The following USP24 variants were observed in gnomAD, a reference collection of about 807,000 sequenced individuals.
USP24 encodes the protein ubiquitin carboxyl-terminal hydrolase 24.
A neutral mutation model predicts 361.6 loss-of-function variants in USP24; 97 were observed. The ratio of observed to expected loss-of-function variants is 0.27; its 90% CI spans 0.23 to 0.32. The LOEUF (loss-of-function observed/expected upper bound fraction) is 0.32. USP24 is among the 10% of genes least tolerant of loss of function. The pLI, the probability that USP24 is intolerant of heterozygous loss-of-function variation, is 1.00. For synonymous variants in USP24, 1,098 were observed against 1,124.6 expected (o/e 0.98, Z 0.47); for missense variants, 2,353 against 3,165.6 (o/e 0.74, Z 6.16).
At chr1:55,115,047 A>T (rs1316372065) in intron 38 of USP24, among the ~76,000 whole-genome samples, 1 of 152,176 alleles carries the variant, frequency 6.6e-6, no homozygotes, top group Non-Finnish European at 1.5e-5. Context: ...ACAAACTTAC[A>T]AGAAAAAAAC....
chr1:55,092,944 T>C (rs778976785), intron 52 of USP24, 28 bp from the exon 53 acceptor site: 1 of 1,415,520 alleles, frequency 7.1e-7, no homozygotes, highest in Admixed American at 2.6e-5. Flanking sequence ...TAATTATTTT[T>C]ATGAAATGGA....
At chr1:55,154,827 A>G (rs761588298) in intron 12 of USP24, 49 bp from the exon 13 acceptor site, 3 of 1,453,902 alleles carry the variant, frequency 2.1e-6, no homozygotes, top group Non-Finnish European at 2.9e-6. Flanking sequence ...ACTCGGAACA[A>G]CCTAAGTCTT....
chr1:55,184,088 G>C (rs1357884577), intron 1 of USP24, among the ~76,000 whole-genome samples: 2 of 152,030 alleles, frequency 1.3e-5, no homozygotes, highest in Non-Finnish European at 2.9e-5. Flanking sequence ...ACAGGGTCTG[G>C]CTCTGTCACC....
At chr1:55,099,622 G>A (rs1645582135) in intron 45 of USP24, 149 bp downstream of exon 45, 4 of 652,100 alleles carry the variant, frequency 6.1e-6, no homozygotes, top group Middle Eastern at 2.8e-4. Flanking sequence ...ATGTTTTGAT[G>A]TTTAAACACA....
At chr1:55,101,934 T>C (rs1384696267) in intron 42 of USP24, among the ~76,000 whole-genome samples, 1 of 152,174 alleles carries the variant, frequency 6.6e-6, no homozygotes, top group Non-Finnish European at 1.5e-5. Context: ...ACCTGGCAGA[T>C]AGGTGTGTAT....
At chr1:55,137,783 C>G in intron 27 of USP24, 23 bp downstream of exon 27, 1 of 1,555,368 alleles carries the variant, frequency 6.4e-7, no homozygotes, top group South Asian at 1.2e-5. Context: ...TATTATTCAT[C>G]AAAACTGCTT....
rs780824881 is a variant in USP24, at chr1:55,072,371, A to G, written c.7635T>C (p.Asn2545=). Residue 2545 remains asparagine, a synonymous_variant, in exon 66 of 68, where the codon AAT becomes AAC. Coordinates refer to ENST00000294383, the MANE Select transcript of USP24 (RefSeq NM_015306.3). ...MSEHYWTPQS[N]VSNETSTGKT... ...TTCCAGTTGATGTTTCATTAGAGACATTACTCTGTGGTGTCCAGTAATGTT... is the reference window on the plus strand; with the variant it reads ...TTCCAGTTGATGTTTCATTAGAGACGTTACTCTGTGGTGTCCAGTAATGTT... The G allele has an allele frequency of 3.1e-6, 5 of 1,613,648 alleles. No individual in the cohort carries two copies. In the South Asian group the frequency reaches 5.5e-5, roughly 18 times the overall value.
intron 1 of USP24, among the ~76,000 whole-genome samples, chr1:55,208,987 A>G (rs1644783057): frequency 6.6e-6 from 1 of 152,146 alleles, no homozygotes; most frequent in Admixed American, 6.5e-5. Context: ...TACTATCAAT[A>G]TGAGCTTAAC....
chr1:55,185,464 TA>T (rs769816434), intron 1 of USP24, among the ~76,000 whole-genome samples: 1 of 151,090 alleles, frequency 6.6e-6, no homozygotes, highest in Non-Finnish European at 1.5e-5. Flanking sequence ...TGAAAAAATT[TA>T]AAAAAAAGGG....
chr1:55,138,698 T>C lies in USP24; in HGVS notation c.2838A>G (p.Arg946=). 1 of 1,612,740 alleles carries C rather than the reference T, an allele frequency of 6.2e-7. No homozygotes were observed. The highest frequency in any genetic ancestry group is 8.5e-7 in the Non-Finnish European group (1 of 1,179,298). The change falls in exon 26 of 68, where the codon CGA becomes CGG. Residue 946 remains arginine (R), a synonymous_variant. Coordinates refer to ENST00000294383, the MANE Select transcript of USP24 (RefSeq NM_015306.3). The stretch of plus-strand genomic sequence containing the variant: ...ATGAGGCACCATGAGGTAGAATAGT[T>C]CGTGGAACAGAGTAAAAATCCTTAA... ...ITIEDFYSVP[R]TILPHGASFH...
chr1:55,150,553 A>C (rs146067600), intron 16 of USP24, among the ~76,000 whole-genome samples: 139 of 152,314 alleles, frequency 9.1e-4, no homozygotes, highest in African/African-American at 3.3e-3. Context: ...GGATTACAAA[A>C]TTGGGACATA....
chr1:55,128,562 G>A (rs571855501), intron 32 of USP24, among the ~76,000 whole-genome samples: 3 of 151,944 alleles, frequency 2.0e-5, no homozygotes, highest in South Asian at 4.2e-4. Context: ...AGGATTTCTA[G>A]GTAAATAATT....
At chr1:55,155,102 T>C (rs991934021) in intron 12 of USP24, among the ~76,000 whole-genome samples, 2 of 152,192 alleles carry the variant, frequency 1.3e-5, no homozygotes, top group South Asian at 4.1e-4. Context: ...CTGAAAGATT[T>C]AAACAGATTG....
chr1:55,206,285 A>T (rs750487374), intron 1 of USP24, among the ~76,000 whole-genome samples: 16 of 152,216 alleles, frequency 1.1e-4, no homozygotes, highest in Admixed American at 3.3e-4. Flanking sequence ...AAATTTTTTA[A>T]CTGAAATGTT....
chr1:55,189,623 T>C (rs1644233457), intron 1 of USP24, among the ~76,000 whole-genome samples: 1 of 152,176 alleles, frequency 6.6e-6, no homozygotes, highest in South Asian at 2.1e-4. Context: ...GAAAATATTC[T>C]CAAAATAAAT....
rs1172713544 is a variant in USP24, at chr1:55,157,021, C to T, written c.1373G>A (p.Arg458His). The T allele has an allele frequency of 1.2e-6, 2 of 1,612,994 alleles. No homozygotes were observed. The highest frequency in any genetic ancestry group is 1.7e-6 in the Non-Finnish European group (2 of 1,179,350). Residue 458 changes from arginine to histidine, a missense_variant, in exon 12 of 68, where the codon CGT (arginine) becomes CAT (histidine). Arg to His is a conservative substitution (Grantham distance 29). Around this residue, in one of 8 missense-constraint regions of USP24, gnomAD observed 386 missense variants for 560.5 expected, o/e 0.69. Coordinates refer to ENST00000294383, the MANE Select transcript of USP24 (RefSeq NM_015306.3). ...GNIDQAQYCD[R>H]IKGIIELLGS... ...CAAGAGTTCAATAATTCCCTTTATA[C>T]GGTCACAGTATTGTGCTTGGTCTAT... is the stretch of plus-strand genomic sequence containing the variant.
At chr1:55,092,469 A>AAC (rs1013070502) in intron 53 of USP24, among the ~76,000 whole-genome samples, 19 of 152,212 alleles carry the variant, frequency 1.2e-4, no homozygotes, top group African/African-American at 4.3e-4. Flanking sequence ...GTTGAAAGTT[A>AAC]ATCTTTAGTC....
chr1:55,156,925 A>G (rs1323368198), intron 12 of USP24, 23 bp downstream of exon 12: 2 of 1,582,716 alleles, frequency 1.3e-6, no homozygotes, highest in Non-Finnish European at 8.7e-7. Context: ...AGCCAAAGGC[A>G]AAAATAATTC....
At chr1:55,121,721 T>C (rs641995) in intron 36 of USP24, among the ~76,000 whole-genome samples, 132,435 of 152,282 alleles carry the variant, frequency 0.87, 57,670 homozygotes, top group East Asian at 1. Flanking sequence ...TTTTGTGCTC[T>C]ATATTTTATC....
Sources: gnomAD v4.1 joint callset for allele counts (sites outside exome capture counted in the v4.1 genomes callset) on GRCh38, gnomAD v4.1.1 for gene constraint, gnomAD v4.1.1 regional missense constraint, MANE v1.5 for transcripts, NCBI Gene and HGNC (gene_info 2026-07-23, HGNC 2026-07-21) for gene names.